MYO18B: variants seen among roughly 807,000 people sequenced by gnomAD.
MYO18B encodes unconventional myosin-XVIIIb.
MYO18B carries 204 observed loss-of-function variants against 273.0 expected under a neutral mutation model. That is an observed-to-expected ratio of 0.75 (90% confidence interval 0.67 to 0.84). MYO18B has a LOEUF of 0.84. Ranked by LOEUF, MYO18B falls within the 40% of genes least tolerant of loss-of-function variation. The pLI, the probability that MYO18B is intolerant of heterozygous loss-of-function variation, is 0.00. For missense variants in MYO18B, 3,212 were observed against 3,287.6 expected (o/e 0.98, Z 0.56); for synonymous variants, 1,330 against 1,305.7 (o/e 1.02, Z -0.40).
At chr22:25,755,232 GT>G (rs1315555199) in intron 1 of MYO18B, among the ~76,000 whole-genome samples, 1 of 151,680 alleles carries the variant, frequency 6.6e-6, no homozygotes, top group Non-Finnish European at 1.5e-5. Flanking sequence ...TTGAGACAGA[GT>G]TTCACTCTTG....
intron 1 of MYO18B, among the ~76,000 whole-genome samples, chr22:25,754,722 T>C (rs1201720227): frequency 6.6e-6 from 1 of 152,200 alleles, no homozygotes; most frequent in African/African-American, 2.4e-5. Context: ...AAATTAAGTC[T>C]TGACAAAACC....
intron 11 of MYO18B, among the ~76,000 whole-genome samples, chr22:25,797,559 C>T (rs1419536924): frequency 6.6e-6 from 1 of 152,178 alleles, no homozygotes; most frequent in Non-Finnish European, 1.5e-5. Flanking sequence ...CCATAGCCTA[C>T]CTACCACTTA....
Position 25,832,950 on chromosome 22 carries a change from C to T in MYO18B, c.3013C>T (p.Pro1005Ser), listed in dbSNP as rs773417708. ...GVPVQFDLPD[P>S]SPGTTVAVVD... Reference sequence around the variant, plus strand: ...TCCTGTGCAGTTTGACCTCCCGGACCCCTCCCCAGGGACCACCGTGGCTGT... The same window carrying T: ...TCCTGTGCAGTTTGACCTCCCGGACTCCTCCCCAGGGACCACCGTGGCTGT... Residue 1005 changes from proline (P) to serine (S), a missense_variant, in exon 16 of 44, where the codon CCC (proline) becomes TCC (serine). By Grantham distance (74) the Pro-to-Ser change is moderately conservative (BLOSUM62 -1). Coordinates refer to ENST00000335473, the MANE Select transcript of MYO18B (RefSeq NM_032608.7). 1 of 1,613,790 alleles carries T rather than the reference C, an allele frequency of 6.2e-7. No homozygotes were observed. The highest frequency in any genetic ancestry group is 8.5e-7 in the Non-Finnish European group (1 of 1,179,852).
intron 34 of MYO18B, among the ~76,000 whole-genome samples, chr22:25,927,475 C>A (rs1376868462): frequency 6.6e-6 from 1 of 152,108 alleles, no homozygotes; most frequent in South Asian, 2.1e-4. Context: ...AAATTTTGGT[C>A]AGACCGGTTG....
At chr22:26,056,641 C>T in the MYO18B span, among the ~76,000 whole-genome samples, 27 of 152,192 alleles carry the variant, frequency 1.8e-4, no homozygotes, top group Non-Finnish European at 3.7e-4. Context: ...TTTCTGCCAA[C>T]AACAACATCC....
At chr22:25,838,548 A>G (rs2089976265) in intron 17 of MYO18B, among the ~76,000 whole-genome samples, 1 of 152,182 alleles carries the variant, frequency 6.6e-6, no homozygotes, top group Non-Finnish European at 1.5e-5. Context: ...ATTCCATAAG[A>G]TGATAATACC....
intron 27 of MYO18B, among the ~76,000 whole-genome samples, chr22:25,891,752 C>T (rs111918610): frequency 2.0e-5 from 3 of 152,100 alleles, no homozygotes; most frequent in South Asian, 2.1e-4. Flanking sequence ...AGAGGCCTGG[C>T]GTGGTGGCTC....
chr22:25,851,564 A>T lies in MYO18B; in HGVS notation c.3870A>T (p.Gly1290=), dbSNP rs1351520050. The T allele has an allele frequency of 6.4e-7, 1 of 1,556,660 alleles. No individual in the cohort carries two copies. Among genetic ancestry groups the T allele is most frequent in the African/African-American group, 1.4e-5 (1 of 73,402 alleles). Reference sequence around the variant, plus strand: ...AGAAGCTCATGTCGACCTCCGAGGGAATAGATGAAAGGAAGGTAGGTGGAG... The same window carrying T: ...AGAAGCTCATGTCGACCTCCGAGGGTATAGATGAAAGGAAGGTAGGTGGAG... ...LLKKLMSTSE[G]IDERKAVEEL... Residue 1290 remains glycine (G), a synonymous_variant, in exon 21 of 44, where the codon GGA becomes GGT. Transcript: ENST00000335473.
chr22:25,778,337 G>C (rs899681334), intron 8 of MYO18B, among the ~76,000 whole-genome samples: 1 of 152,118 alleles, frequency 6.6e-6, no homozygotes, highest in African/African-American at 2.4e-5. Flanking sequence ...GGCTGCAGGA[G>C]GGCTTTTTTT....
the MYO18B span, among the ~76,000 whole-genome samples, chr22:26,044,576 A>G: frequency 1.5e-3 from 233 of 152,348 alleles, 3 homozygotes; most frequent in Non-Finnish European, 1.4e-3. Context: ...AGATACAAAC[A>G]TTATCTCCAT....
At chr22:26,037,743 A>G in the MYO18B span, among the ~76,000 whole-genome samples, 2 of 152,250 alleles carry the variant, frequency 1.3e-5, no homozygotes, top group South Asian at 4.1e-4. Context: ...AGGGAACCCA[A>G]TTTTTGGCAT....
intron 13 of MYO18B, among the ~76,000 whole-genome samples, chr22:25,824,164 G>T (rs764432544): frequency 2.0e-5 from 3 of 152,224 alleles, no homozygotes; most frequent in Non-Finnish European, 4.4e-5. Flanking sequence ...CCGTGGAGTG[G>T]CTTAGGCAGG....
the MYO18B span, among the ~76,000 whole-genome samples, chr22:26,047,765 A>T: frequency 2.0e-5 from 3 of 152,220 alleles, no homozygotes; most frequent in Non-Finnish European, 4.4e-5. Context: ...ATTTTAAATT[A>T]ATTTCTCTTG....
chr22:25,964,542 C>A (rs1194047947), intron 39 of MYO18B, among the ~76,000 whole-genome samples: 1 of 152,180 alleles, frequency 6.6e-6, no homozygotes, highest in Non-Finnish European at 1.5e-5. Context: ...GCATTATTGA[C>A]ATCTAGGATC....
At chr22:25,802,630 A>G (rs1158166102) in intron 12 of MYO18B, among the ~76,000 whole-genome samples, 4 of 151,202 alleles carry the variant, frequency 2.6e-5, no homozygotes, top group African/African-American at 4.9e-5. Flanking sequence ...GCAGACACCT[A>G]TGGTCCCAGC....
chr22:25,970,550 C>T (rs572036176), intron 39 of MYO18B, among the ~76,000 whole-genome samples: 108 of 152,210 alleles, frequency 7.1e-4, no homozygotes, highest in African/African-American at 2.4e-3. Flanking sequence ...CTCTGCCGCC[C>T]GCCCGCTTGG....
In MYO18B at chr22:26,026,972, G is replaced by T; in HGVS notation, c.6998G>T (p.Gly2333Val). 1 of 1,613,934 alleles carries T rather than the reference G, an allele frequency of 6.2e-7. No homozygotes were observed. Among genetic ancestry groups the T allele is most frequent in the East Asian group, 2.2e-5 (1 of 44,866 alleles). Residue 2333 changes from glycine to valine, a missense_variant, in exon 43 of 44, where the codon GGT (glycine) becomes GTT (valine). Transcript: ENST00000335473. ...AGCCTCAAATGCATCTCTTCAGACG[G>T]TGTTGGGGGCACAACCCTACTCCCC... Reference protein sequence around the residue: ...STSLKCISSDGVGGTTLLPEK... With the variant: ...STSLKCISSDVVGGTTLLPEK...
At position 25,780,199 on chromosome 22, in the gene MYO18B, G is replaced by T; in HGVS notation, c.2211+1G>T. ...CCGCATCACAGCTGCTCAGCTCCAG[G>T]TGAGGCCTCTCGGGGGATGTGCAAG... On this transcript the variant is annotated splice_donor_variant, in intron 9 of 43. Coordinates refer to ENST00000335473, the MANE Select transcript of MYO18B (RefSeq NM_032608.7). LOFTEE classifies it high-confidence loss of function. 1 of 1,602,510 alleles carries T rather than the reference G, an allele frequency of 6.2e-7. No homozygotes were observed.
intron 27 of MYO18B, among the ~76,000 whole-genome samples, chr22:25,893,567 A>G (rs1406435161): frequency 6.6e-6 from 1 of 152,162 alleles, no homozygotes; most frequent in Non-Finnish European, 1.5e-5. Context: ...TTTGCAGTCC[A>G]TGCTGCTTGT....
Sources: gnomAD v4.1 joint callset for allele counts (sites outside exome capture counted in the v4.1 genomes callset) on GRCh38, gnomAD v4.1.1 for gene constraint, MANE v1.5 for transcripts, NCBI Gene and HGNC (gene_info 2026-07-23, HGNC 2026-07-21) for gene names.